RBMS3: variants seen among roughly 807,000 people sequenced by gnomAD.
The protein encoded by RBMS3 is RNA-binding motif, single-stranded-interacting protein 3.
Under a neutral mutation model 66.8 loss-of-function variants are expected in RBMS3, and 27 were observed. The observed-to-expected ratio is 0.40, with a 90% CI of 0.30 to 0.56. The LOEUF (loss-of-function observed/expected upper bound fraction) is 0.56. RBMS3 is among the 20% of genes least tolerant of loss of function. The pLI is 0.40. For missense variants in RBMS3, 513 were observed against 549.5 expected (o/e 0.93, Z 0.66); for synonymous variants, 188 against 183.0 (o/e 1.03, Z -0.22).
intron 4 of RBMS3, among the ~76,000 whole-genome samples, chr3:29,728,703 G>C (rs111273627): frequency 1.7e-4 from 26 of 150,630 alleles, no homozygotes; most frequent in African/African-American, 5.6e-4. Flanking sequence ...GTTCTCTTTG[G>C]AAAGCCTCTC....
chr3:29,407,278 G>C (rs2040064258), intron 1 of RBMS3, among the ~76,000 whole-genome samples: 1 of 152,108 alleles, frequency 6.6e-6, no homozygotes, highest in Non-Finnish European at 1.5e-5. Context: ...CTTATTCTCA[G>C]TTTTCAGACA....
At chr3:29,713,603 G>A (rs2053262904) in intron 4 of RBMS3, among the ~76,000 whole-genome samples, 1 of 152,096 alleles carries the variant, frequency 6.6e-6, no homozygotes, top group Non-Finnish European at 1.5e-5. Context: ...CTCTAGTCCT[G>A]CCTCTCCACA....
chr3:29,339,164 G>A (rs1029777940), intron 1 of RBMS3, among the ~76,000 whole-genome samples: 3 of 152,184 alleles, frequency 2.0e-5, no homozygotes, highest in African/African-American at 2.4e-5. Context: ...GGCCCATGCC[G>A]TAATTCTTCT....
intron 6 of RBMS3, among the ~76,000 whole-genome samples, chr3:29,847,042 G>A (rs556950798): frequency 6.6e-6 from 1 of 152,138 alleles, no homozygotes; most frequent in Admixed American, 6.6e-5. Context: ...CATGATACAC[G>A]ATAACAAGGT....
At position 29,874,535 on chromosome 3, in the gene RBMS3, AAT is replaced by A. The variant is rs539707587; in HGVS notation, c.744+5573_744+5574del. 1.9e-3 allele frequency among the ~76,000 whole-genome samples: 283 copies of A among 152,320 alleles called. 1 individual carries two copies. Among genetic ancestry groups the A allele is most frequent in the Non-Finnish European group, 3.1e-3 (213 of 68,024 alleles). On this transcript the variant is annotated intron_variant, in intron 7 of 14. Coordinates refer to ENST00000383767, the MANE Select transcript of RBMS3 (RefSeq NM_001003793.3). ...TCTACCAACACTGCCAGGTTCTGCA[AAT>A]AGTCTTTTTAACCTTAAACTGAAGG...
intron 6 of RBMS3, among the ~76,000 whole-genome samples, chr3:29,845,123 G>A (rs879564486): frequency 1.3e-5 from 2 of 152,132 alleles, no homozygotes; most frequent in African/African-American, 4.8e-5. Context: ...AGGAAAGACT[G>A]GGAACATGGA....
intron 4 of RBMS3, among the ~76,000 whole-genome samples, chr3:29,674,959 A>C (rs189888785): frequency 4.6e-5 from 7 of 152,302 alleles, no homozygotes; most frequent in South Asian, 2.1e-4. Context: ...AATCCTAAGC[A>C]AAAAGAACAA....
intron 4 of RBMS3, among the ~76,000 whole-genome samples, chr3:29,667,933 C>T (rs943839129): frequency 7.2e-5 from 11 of 151,952 alleles, no homozygotes; most frequent in Non-Finnish European, 4.4e-5. Context: ...CTTAGAAAAT[C>T]GAGTAAGAAG....
chr3:29,822,070 A>C lies in RBMS3; in HGVS notation c.638-46788A>C, dbSNP rs146572559. Among the ~76,000 whole-genome samples, 511 of 152,310 alleles carry C rather than the reference A, an allele frequency of 3.4e-3. 2 individuals carry two copies. The highest frequency in any genetic ancestry group is 4.9e-3 in the Non-Finnish European group (331 of 68,022). On this transcript the variant is annotated intron_variant, in intron 6 of 14. Transcript: ENST00000383767. ...ATATGATTTTAATTTTTCAAACTGC[A>C]CAAGGATGGTAATCCTAAAACACTG...
intron 1 of RBMS3, among the ~76,000 whole-genome samples, chr3:29,284,963 TTAAA>T (rs2032170492): frequency 6.7e-6 from 1 of 150,226 alleles, no homozygotes; most frequent in Non-Finnish European, 1.5e-5. Context: ...GTTGTAATAT[TTAAA>T]TAAGAAACAA....
chr3:29,300,757 T>G (rs1291882561), intron 1 of RBMS3, among the ~76,000 whole-genome samples: 1 of 151,910 alleles, frequency 6.6e-6, no homozygotes, highest in African/African-American at 2.4e-5. Flanking sequence ...CAAAAAATGA[T>G]AAGAAATTAA....
chr3:29,456,738 C>T (rs550344866), intron 2 of RBMS3, among the ~76,000 whole-genome samples: 4 of 152,084 alleles, frequency 2.6e-5, no homozygotes, highest in East Asian at 3.9e-4. Context: ...AAATTAAACT[C>T]TCATCTTTAA....
rs1159076582 is a variant in RBMS3 at position 30,009,996 on chromosome 3, A to AAAG, written c.*6146_*6148dup. 1 of 152,108 alleles carries AAAG rather than the reference A, an allele frequency of 6.6e-6. No homozygotes were observed. Among genetic ancestry groups the AAAG allele is most frequent in the Non-Finnish European group, 1.5e-5 (1 of 68,006 alleles). 9.4% of individuals were successfully genotyped at this position (152,108 alleles called of 1,614,324 possible). On this transcript the variant is annotated 3_prime_UTR_variant, in exon 15 of 15. Coordinates refer to ENST00000383767, the MANE Select transcript of RBMS3 (RefSeq NM_001003793.3). ...GACACAAATGCTTCCATTTATTTCA[A>AAAG]AAGAAGAAGAAGAAAAATGGAATCT...
intron 6 of RBMS3, among the ~76,000 whole-genome samples, chr3:29,798,110 G>C (rs925302730): frequency 2.0e-5 from 3 of 151,618 alleles, no homozygotes; most frequent in African/African-American, 4.9e-5. Flanking sequence ...AATGGGTGCT[G>C]TTCATGGTGC....
chr3:29,455,815 A>T (rs2042171781), intron 2 of RBMS3, among the ~76,000 whole-genome samples: 1 of 152,244 alleles, frequency 6.6e-6, no homozygotes. Flanking sequence ...AAAAAAAAAA[A>T]ATCACAAAAA....
At chr3:29,741,080 C>G (rs1310823334) in intron 5 of RBMS3, among the ~76,000 whole-genome samples, 1 of 151,752 alleles carries the variant, frequency 6.6e-6, no homozygotes, top group South Asian at 2.1e-4. Context: ...AAACTAACTT[C>G]CGTTAACTCA....
At chr3:29,753,773 C>A (rs928435474) in intron 5 of RBMS3, among the ~76,000 whole-genome samples, 9 of 151,870 alleles carry the variant, frequency 5.9e-5, no homozygotes, top group African/African-American at 2.2e-4. Context: ...TAAAAAAGAC[C>A]CAGTGAGAGG....
intron 12 of RBMS3, among the ~76,000 whole-genome samples, chr3:29,955,071 A>G (rs971131496): frequency 3.9e-5 from 6 of 152,034 alleles, no homozygotes; most frequent in Non-Finnish European, 7.4e-5. Context: ...TTAAAGCTGT[A>G]GTTAGCTTAT....
At chr3:29,703,413 G>A (rs1388470820) in intron 4 of RBMS3, among the ~76,000 whole-genome samples, 1 of 152,192 alleles carries the variant, frequency 6.6e-6, no homozygotes, top group Non-Finnish European at 1.5e-5. Context: ...AATTTGAAGA[G>A]ATCGGTTGCC....
Sources: allele counts gnomAD v4.1 joint callset (sites outside exome capture counted in the v4.1 genomes callset), GRCh38; gene constraint gnomAD v4.1.1; transcripts MANE v1.5; gene names NCBI Gene and HGNC (gene_info 2026-07-23, HGNC 2026-07-21).